The following MACROD2 variants were observed in gnomAD, a reference collection of about 807,000 sequenced individuals.
MACROD2 encodes mono-ADP ribosylhydrolase 2, also known as ADP-ribose glycohydrolase MACROD2.
A neutral mutation model predicts 70.4 loss-of-function variants in MACROD2; 36 were observed. The ratio of observed to expected loss-of-function variants is 0.51; its 90% CI spans 0.39 to 0.68. The LOEUF is 0.68. Among genes scored for constraint, MACROD2 ranks in the 30% least tolerant of loss-of-function variants. The pLI is 0.00. For missense variants in MACROD2, 496 were observed against 538.4 expected, an observed-to-expected ratio of 0.92 and a Z score of 0.78; for synonymous variants, 172 against 178.8, an observed-to-expected ratio of 0.96 and a Z score of 0.30.
At chr20:15,202,575 A>T (rs1343835476) in intron 5 of MACROD2, among the ~76,000 whole-genome samples, 2 of 152,176 alleles carry the variant, frequency 1.3e-5, no homozygotes, top group African/African-American at 4.8e-5. Context: ...AAAATGATTT[A>T]AAATAATCAC....
intron 5 of MACROD2, among the ~76,000 whole-genome samples, chr20:15,184,833 G>T (rs2076523986): frequency 6.6e-6 from 1 of 152,154 alleles, no homozygotes; most frequent in South Asian, 2.1e-4. Flanking sequence ...AAATACGCTT[G>T]CCCTTCCATT....
chr20:15,465,338 C>G (rs1285701726), intron 7 of MACROD2, among the ~76,000 whole-genome samples: 3 of 152,106 alleles, frequency 2.0e-5, no homozygotes, highest in Non-Finnish European at 4.4e-5. Context: ...AAATGAAAAC[C>G]AGCATTTAGC....
intron 4 of MACROD2, among the ~76,000 whole-genome samples, chr20:14,497,429 AAAG>A (rs2084866549): frequency 6.6e-6 from 1 of 151,836 alleles, no homozygotes; most frequent in Non-Finnish European, 1.5e-5. Context: ...TAAATTACAT[AAAG>A]AAGTAGAATT....
intron 3 of MACROD2, among the ~76,000 whole-genome samples, chr20:14,475,244 G>A (rs184784559): frequency 1.3e-3 from 193 of 152,142 alleles, no homozygotes; most frequent in Non-Finnish European, 2.4e-3. Flanking sequence ...AAAAACCCCA[G>A]TATACTTTAA....
At chr20:15,073,669 C>T (rs549479654) in intron 5 of MACROD2, among the ~76,000 whole-genome samples, 1 of 152,110 alleles carries the variant, frequency 6.6e-6, no homozygotes, top group Non-Finnish European at 1.5e-5. Context: ...CTTTCAAGTC[C>T]AGCTCTCTGG....
At chr20:14,068,429 G>A (rs1313800462) in intron 2 of MACROD2, among the ~76,000 whole-genome samples, 1 of 152,134 alleles carries the variant, frequency 6.6e-6, no homozygotes, top group African/African-American at 2.4e-5. Flanking sequence ...GAAACAAAAA[G>A]TTCAGCCAGA....
At chr20:15,123,737 G>A (rs1233666329) in intron 5 of MACROD2, among the ~76,000 whole-genome samples, 1 of 152,128 alleles carries the variant, frequency 6.6e-6, no homozygotes, top group African/African-American at 2.4e-5. Flanking sequence ...GCTCAAGTCA[G>A]TTTGAATCAA....
chr20:15,160,922 T>A (rs2145874565), intron 5 of MACROD2, among the ~76,000 whole-genome samples: 1 of 152,244 alleles, frequency 6.6e-6, no homozygotes, highest in East Asian at 1.9e-4. Flanking sequence ...TTATTTTTTT[T>A]ACTAGAGAGA....
At chr20:14,969,323 A>G (rs534955932) in intron 5 of MACROD2, among the ~76,000 whole-genome samples, 1 of 151,690 alleles carries the variant, frequency 6.6e-6, no homozygotes, top group East Asian at 1.9e-4. Flanking sequence ...GAAAAACTGA[A>G]TAAAAGTAAA....
rs1208452452 is a variant in MACROD2 at position 14,190,715 on chromosome 20, T to A, written c.271+104987T>A. Among the ~76,000 whole-genome samples the A allele has an allele frequency of 1.5e-3, 163 of 109,462 alleles. 1 individual carries two copies. The highest frequency in any genetic ancestry group is 5.7e-3 in the African/African-American group (152 of 26,560). 71.8% of individuals were successfully genotyped at this position (109,462 alleles called of 152,430 possible). A position where few individuals can be genotyped will look rare whatever the true frequency, so the allele number is the denominator to read the frequency against. ...ATATATATATTTTTTTTTTTTTTTT[T>A]TTTTTTTTTTTTTCCAGAGTCTTGT... is the stretch of plus-strand genomic sequence containing the variant. On this transcript the variant is annotated intron_variant, in intron 3 of 17. Transcript: ENST00000684519.
chr20:14,828,447 A>G (rs761799047), intron 5 of MACROD2, among the ~76,000 whole-genome samples: 2 of 152,134 alleles, frequency 1.3e-5, no homozygotes, highest in Non-Finnish European at 2.9e-5. Context: ...CAGTATGGAC[A>G]TTCTTTTCTT....
At position 16,027,275 on chromosome 20, in the gene MACROD2, A is replaced by T. The variant is rs10708199; in HGVS notation, c.1154-13926A>T. ...CCTCTAATGCTTCTGTAAACCAGCA[A>T]GATTATTTCTTGGATGCAGCGTACA... On this transcript the variant is annotated intron_variant, in intron 15 of 17. Coordinates refer to ENST00000684519, the MANE Select transcript of MACROD2 (RefSeq NM_001351661.2). Among the ~76,000 whole-genome samples the T allele has an allele frequency of 1.7e-3, 261 of 152,190 alleles. 3 individuals are homozygous for T. The highest frequency in any genetic ancestry group is 5.8e-3 in the African/African-American group (239 of 41,452).
At chr20:15,604,387 G>T (rs1295087596) in intron 8 of MACROD2, among the ~76,000 whole-genome samples, 1 of 152,124 alleles carries the variant, frequency 6.6e-6, no homozygotes. Flanking sequence ...AAGAATGCCT[G>T]TGCCCAAGCA....
intron 5 of MACROD2, among the ~76,000 whole-genome samples, chr20:15,047,230 CT>C (rs1169809182): frequency 6.6e-6 from 1 of 152,154 alleles, no homozygotes; most frequent in Admixed American, 6.5e-5. Flanking sequence ...TTGGAGAATA[CT>C]TGTTTATAGT....
In MACROD2 at chr20:14,965,218, A is replaced by G. The variant is rs544684402; in HGVS notation, c.419-264722A>G. Among the ~76,000 whole-genome samples, 6 of 152,270 alleles carry G rather than the reference A, an allele frequency of 3.9e-5. No homozygotes were observed. In the South Asian group the frequency reaches 1.2e-3, roughly 32 times the overall value. On this transcript the variant is annotated intron_variant, in intron 5 of 17. Transcript: ENST00000684519. ...TGTCAGTTTAAAAGAATGATGTTCT[A>G]TCCTCTTCCGTCTTGACCAGTCTGA...
At chr20:15,783,720 G>A (rs566378094) in intron 8 of MACROD2, among the ~76,000 whole-genome samples, 20 of 152,302 alleles carry the variant, frequency 1.3e-4, no homozygotes, top group African/African-American at 4.1e-4. Flanking sequence ...TCACTCAAGT[G>A]ATGCCATAAC....
At chr20:15,199,004 CTTCT>C (rs1438273729) in intron 5 of MACROD2, among the ~76,000 whole-genome samples, 4 of 116,634 alleles carry the variant, frequency 3.4e-5, no homozygotes, top group African/African-American at 1.2e-4. Flanking sequence ...AGCATCTGGA[CTTCT>C]TTTTTTTTTT....
chr20:15,153,616 G>A (rs2076286871), intron 5 of MACROD2, among the ~76,000 whole-genome samples: 1 of 152,146 alleles, frequency 6.6e-6, no homozygotes, highest in Non-Finnish European at 1.5e-5. Context: ...ACATGGACCT[G>A]TCTCATAAGC....
chr20:15,937,937 C>G lies in MACROD2; in HGVS notation c.907+393C>G, dbSNP rs182713356. Among the ~76,000 whole-genome samples, 630 of 151,972 alleles carry G rather than the reference C, an allele frequency of 4.1e-3. 5 individuals are homozygous for G. Among genetic ancestry groups the G allele is most frequent in the African/African-American group, 0.014 (600 of 41,492 alleles). On this transcript the variant is annotated intron_variant, in intron 12 of 17. Coordinates refer to ENST00000684519, the MANE Select transcript of MACROD2 (RefSeq NM_001351661.2). ...AGAGTGGCATTTGAGGACCACCAAC[C>G]AGGGAGCACCATTTTTCAAAAAAGA...
Sources: gnomAD v4.1 joint callset for allele counts (sites outside exome capture counted in the v4.1 genomes callset) on GRCh38, gnomAD v4.1.1 for gene constraint, MANE v1.5 for transcripts, NCBI Gene and HGNC (gene_info 2026-07-23, HGNC 2026-07-21) for gene names.